The following EYA1 variants were observed in gnomAD, a reference collection of about 807,000 sequenced individuals.
EYA1 encodes EYA transcriptional coactivator and phosphatase 1.
A neutral mutation model predicts 82.0 loss-of-function variants in EYA1; 16 were observed. That is an observed-to-expected ratio of 0.20 (90% confidence interval 0.13 to 0.30). EYA1 has a LOEUF of 0.30. Among genes scored for constraint, EYA1 ranks in the 10% least tolerant of loss-of-function variants. EYA1 has a pLI of 1.00. For synonymous variants in EYA1, 261 were observed against 264.4 expected, an observed-to-expected ratio of 0.99 and a Z score of 0.12; for missense variants, 633 against 730.7, an observed-to-expected ratio of 0.87 and a Z score of 1.54.
At chr8:71,285,010 T>C (rs1818212399) in intron 9 of EYA1, among the ~76,000 whole-genome samples, 1 of 152,234 alleles carries the variant, frequency 6.6e-6, no homozygotes, top group Non-Finnish European at 1.5e-5. Context: ...AAAATGCTCC[T>C]GAGGACAGTG....
rs1170754224 is a variant in EYA1 at position 71,405,325 on chromosome 8, C to T, written c.34-48814G>A. On this transcript the variant is annotated intron_variant, in intron 2 of 18. Transcript: ENST00000643681. ...TCAAGACCCTTCACTCATGCCCCTA[C>T]TCTCCTCTCCTGTCCAACCTTTTTT... 3.9e-5 allele frequency among the ~76,000 whole-genome samples: 6 copies of T among 152,292 alleles called. No individual in the cohort carries two copies. In the East Asian group the frequency reaches 7.7e-4, roughly 20 times the overall value.
At chr8:71,275,427 A>G (rs898763882) in intron 9 of EYA1, among the ~76,000 whole-genome samples, 3 of 152,332 alleles carry the variant, frequency 2.0e-5, no homozygotes, top group East Asian at 1.9e-4. Context: ...GCATCCAAGT[A>G]GAGATGTCCA....
chr8:71,348,656 C>A (rs905731668), intron 3 of EYA1, among the ~76,000 whole-genome samples: 1 of 152,160 alleles, frequency 6.6e-6, no homozygotes, highest in African/African-American at 2.4e-5. Context: ...GCCTATCTGC[C>A]ACCCTACAAG....
At chr8:71,282,468 CCAA>C (rs1437894623) in intron 9 of EYA1, among the ~76,000 whole-genome samples, 1 of 152,218 alleles carries the variant, frequency 6.6e-6, no homozygotes, top group Non-Finnish European at 1.5e-5. Context: ...GTCAAGATCA[CCAA>C]CAACATCCAC....
intron 12 of EYA1, among the ~76,000 whole-genome samples, chr8:71,223,202 C>T (rs528993289): frequency 2.0e-5 from 3 of 152,018 alleles, no homozygotes; most frequent in Non-Finnish European, 2.9e-5. Context: ...AGCTGAGGAC[C>T]AGGAAAACGG....
Position 71,199,117 on chromosome 8 carries a change from G to T in EYA1, c.*223C>A. Reference sequence around the variant, plus strand: ...AACGCTGTGCTAAAACATTCTCATGGCTTATTTTCACTGGATTCACAGTAC... The same window carrying T: ...AACGCTGTGCTAAAACATTCTCATGTCTTATTTTCACTGGATTCACAGTAC... On this transcript the variant is annotated 3_prime_UTR_variant, in exon 18 of 18. Coordinates refer to ENST00000340726, the MANE Select transcript of EYA1 (RefSeq NM_000503.6). 1.6e-6 allele frequency: 1 copy of T among 607,172 alleles called. No individual in the cohort carries two copies. The highest frequency in any genetic ancestry group is 3.0e-6 in the Non-Finnish European group (1 of 333,486). The allele number at this position is 607,172 out of a possible 1,614,324, so 37.6% of individuals were successfully genotyped here.
At chr8:71,479,849 T>A (rs757068355) in intron 2 of EYA1, among the ~76,000 whole-genome samples, 20 of 152,120 alleles carry the variant, frequency 1.3e-4, no homozygotes, top group Non-Finnish European at 2.9e-4. Context: ...TACCTGTCAG[T>A]GAGCTATGTG....
At chr8:71,406,845 G>A (rs1351700201) in intron 2 of EYA1, among the ~76,000 whole-genome samples, 1 of 144,622 alleles carries the variant, frequency 6.9e-6, no homozygotes, top group Non-Finnish European at 1.5e-5. Context: ...AAAGCAGCCG[G>A]GAAGCTCGAA....
chr8:71,499,472 C>T (rs745395215), intron 2 of EYA1, among the ~76,000 whole-genome samples: 20 of 152,182 alleles, frequency 1.3e-4, no homozygotes, highest in African/African-American at 4.3e-4. Flanking sequence ...TACTAGATGA[C>T]GGAGCTAGGG....
chr8:71,354,712 A>G, intron 3 of EYA1, 70 bp downstream of exon 3: 1 of 1,475,128 alleles, frequency 6.8e-7, no homozygotes, highest in East Asian at 2.3e-5. Context: ...AATCATAACC[A>G]CCTAATAACA....
chr8:71,344,896 CAT>C (rs1178769562), intron 3 of EYA1, among the ~76,000 whole-genome samples: 2 of 152,172 alleles, frequency 1.3e-5, no homozygotes, highest in East Asian at 1.9e-4. Context: ...CATCTCAGAT[CAT>C]ATGTTTTTCT....
At chr8:71,318,508 C>A (rs75647478) in intron 6 of EYA1, among the ~76,000 whole-genome samples, 61 of 152,252 alleles carry the variant, frequency 4.0e-4, no homozygotes, top group East Asian at 3.1e-3. Flanking sequence ...ACCAGGCTAA[C>A]ATCGTAATTT....
intron 2 of EYA1, among the ~76,000 whole-genome samples, chr8:71,481,037 A>C (rs77655880): frequency 0.041 from 6,272 of 152,178 alleles, 431 homozygotes; most frequent in African/African-American, 0.14. Context: ...ATTTAAAATA[A>C]ATTTTAGGTA....
intron 11 of EYA1, among the ~76,000 whole-genome samples, chr8:71,247,553 A>C (rs2128909828): frequency 6.6e-6 from 1 of 152,274 alleles, no homozygotes; most frequent in South Asian, 2.1e-4. Context: ...GCATTCTGAA[A>C]TTGTCCCTTT....
At chr8:71,370,236 T>C (rs1388704818) in intron 2 of EYA1, among the ~76,000 whole-genome samples, 1 of 151,792 alleles carries the variant, frequency 6.6e-6, no homozygotes, top group African/African-American at 2.4e-5. Flanking sequence ...CTTTCAGAAA[T>C]AGTTCATTGT....
intron 2 of EYA1, among the ~76,000 whole-genome samples, chr8:71,515,970 G>T (rs1812945249): frequency 6.6e-6 from 1 of 152,018 alleles, no homozygotes; most frequent in African/African-American, 2.4e-5. Flanking sequence ...AATAAACTAA[G>T]TATATCCTTA....
chr8:71,322,071 T>A lies in EYA1; in HGVS notation c.272+128A>T. On this transcript the variant is annotated intron_variant, in intron 5 of 17. Coordinates refer to ENST00000340726, the MANE Select transcript of EYA1 (RefSeq NM_000503.6). Reference sequence around the variant, plus strand: ...TGCTCAAAATAAATTTGTATCAATATGTTTACATCTCTATGAAATGCACTT... The same window carrying A: ...TGCTCAAAATAAATTTGTATCAATAAGTTTACATCTCTATGAAATGCACTT... 3 of 1,087,338 alleles carry A rather than the reference T, an allele frequency of 2.8e-6. No homozygotes were observed. The South Asian group carries it at 3.9e-5, about 14-fold the overall frequency. 67.4% of individuals were successfully genotyped at this position (1,087,338 alleles called of 1,614,324 possible). A position where few individuals can be genotyped will look rare whatever the true frequency, so the allele number is the denominator to read the frequency against.
chr8:71,443,881 T>C (rs1467476294), intron 2 of EYA1, among the ~76,000 whole-genome samples: 1 of 152,202 alleles, frequency 6.6e-6, no homozygotes, highest in African/African-American at 2.4e-5. Flanking sequence ...AGCTAAAGTG[T>C]TAGTGAGCAA....
intron 11 of EYA1, among the ~76,000 whole-genome samples, chr8:71,261,469 G>A (rs936599612): frequency 1.3e-5 from 2 of 152,060 alleles, no homozygotes; most frequent in Admixed American, 6.5e-5. Context: ...GAATGATCTG[G>A]AAAAACACCC....
Sources: allele counts gnomAD v4.1 joint callset (sites outside exome capture counted in the v4.1 genomes callset), GRCh38; gene constraint gnomAD v4.1.1; transcripts MANE v1.5; gene names NCBI Gene and HGNC (gene_info 2026-07-23, HGNC 2026-07-21).